EXT2: variants seen among roughly 807,000 people sequenced by gnomAD.
EXT2 encodes the protein exostosin-2.
In EXT2, 53 loss-of-function variants were observed where a neutral mutation model predicts 81.6. The observed-to-expected ratio is 0.65, with a 90% confidence interval of 0.52 to 0.82. EXT2 has a LOEUF of 0.82. EXT2 is among the 40% of genes least tolerant of loss of function. The probability of loss-of-function intolerance (pLI) is 0.00; values close to 1 mark genes in which losing one functional copy is unlikely to be tolerated. For synonymous variants in EXT2, 320 were observed against 340.0 expected, an observed-to-expected ratio of 0.94 and a Z score of 0.65; for missense variants, 774 against 910.2, an observed-to-expected ratio of 0.85 and a Z score of 1.93.
chr11:44,199,721 A>C (rs1274465974), intron 9 of EXT2, among the ~76,000 whole-genome samples: 1 of 138,632 alleles, frequency 7.2e-6, no homozygotes, highest in Non-Finnish European at 1.6e-5. Context: ...GTGAGAAAGG[A>C]TACATTTTTT....
chr11:44,180,584 G>A (rs1469594874), intron 8 of EXT2, among the ~76,000 whole-genome samples: 2 of 152,080 alleles, frequency 1.3e-5, no homozygotes, highest in East Asian at 3.9e-4. Context: ...CTCTCCTGTA[G>A]CCCCTCTCTT....
chr11:44,169,083 G>A (rs1955034617), intron 7 of EXT2, among the ~76,000 whole-genome samples: 1 of 152,026 alleles, frequency 6.6e-6, no homozygotes, highest in African/African-American at 2.4e-5. Flanking sequence ...AGCCAGGCGT[G>A]GTGGTGCGTG....
chr11:44,139,135 CGT>C (rs200010592), intron 7 of EXT2, among the ~76,000 whole-genome samples: 11 of 102,196 alleles, frequency 1.1e-4, no homozygotes, highest in African/African-American at 2.7e-4. Flanking sequence ...TTTTTTTTTG[CGT>C]GTGTGTGTGA....
chr11:44,186,676 G>A (rs151019851), intron 8 of EXT2, among the ~76,000 whole-genome samples: 1 of 152,264 alleles, frequency 6.6e-6, no homozygotes, highest in East Asian at 1.9e-4. Context: ...TAACCTGTGA[G>A]CCTTCCAGTA....
intron 10 of EXT2, among the ~76,000 whole-genome samples, chr11:44,213,282 A>C (rs1955674859): frequency 6.6e-6 from 1 of 152,216 alleles, no homozygotes; most frequent in Non-Finnish European, 1.5e-5. Flanking sequence ...ACAGACCAAC[A>C]GAGAAAGTGT....
intron 7 of EXT2, among the ~76,000 whole-genome samples, chr11:44,130,888 C>T (rs935133123): frequency 6.6e-6 from 1 of 152,240 alleles, no homozygotes; most frequent in Admixed American, 6.5e-5. Context: ...GTAAGTGTCC[C>T]ATGCCACCCC....
intron 7 of EXT2, among the ~76,000 whole-genome samples, chr11:44,158,540 ATAAATTAATTTAATTTTAAT>A (rs912247106): frequency 6.6e-6 from 1 of 150,746 alleles, no homozygotes; most frequent in Non-Finnish European, 1.5e-5. Context: ...TTAATTTTTA[ATAAATTAATTTAATTTTAAT>A]TAAATTAATT....
Position 44,133,276 on chromosome 11 carries a change from A to C in EXT2, c.1173+3138A>C, listed in dbSNP as rs150323876. Among the ~76,000 whole-genome samples, 957 of 152,334 alleles carry C rather than the reference A, an allele frequency of 6.3e-3. 9 individuals carry two copies. Among genetic ancestry groups the C allele is most frequent in the African/African-American group, 0.021 (875 of 41,580 alleles). ...ATTGATTTAACCTGACCTTGGCAGG[A>C]GTAATTAAAAAAATGGTAAAACACC... On this transcript the variant is annotated intron_variant, in intron 7 of 13. Coordinates refer to ENST00000533608, the MANE Select transcript of EXT2 (RefSeq NM_207122.2).
At chr11:44,114,656 C>A (rs921141409) in intron 4 of EXT2, among the ~76,000 whole-genome samples, 4 of 152,164 alleles carry the variant, frequency 2.6e-5, no homozygotes, top group African/African-American at 4.8e-5. Flanking sequence ...CTACCCTAGA[C>A]CAGGTTACTG....
At chr11:44,116,182 C>T (rs1403066183) in intron 4 of EXT2, 1 of 152,202 alleles carries the variant, frequency 6.6e-6, no homozygotes, top group Admixed American at 6.5e-5. Flanking sequence ...CAGTCCTCAC[C>T]TCTGTCCCCA....
intron 7 of EXT2, among the ~76,000 whole-genome samples, chr11:44,153,917 T>G (rs1198477652): frequency 6.6e-6 from 1 of 152,012 alleles, no homozygotes; most frequent in African/African-American, 2.4e-5. Context: ...GAATACTGGT[T>G]GTTGTTGTTT....
intron 4 of EXT2, among the ~76,000 whole-genome samples, chr11:44,123,489 T>A (rs1954348938): frequency 6.6e-6 from 1 of 152,226 alleles, no homozygotes; most frequent in Non-Finnish European, 1.5e-5. Flanking sequence ...TTCTTCTCTT[T>A]GACACTGATT....
chr11:44,171,833 T>C, intron 8 of EXT2, 91 bp downstream of exon 8: 1 of 1,569,718 alleles, frequency 6.4e-7, no homozygotes, highest in Non-Finnish European at 8.7e-7. Flanking sequence ...AAAGGTTATT[T>C]AAATTCTAGC....
chr11:44,239,195 A>G (rs1438908560), intron 13 of EXT2, among the ~76,000 whole-genome samples: 2 of 152,138 alleles, frequency 1.3e-5, no homozygotes, highest in African/African-American at 4.8e-5. Context: ...GTTGACAAAC[A>G]TACCTTTAAG....
In EXT2 at chr11:44,124,804, C is replaced by G; in HGVS notation, c.759C>G (p.Phe253Leu). 1 of 1,614,100 alleles carries G rather than the reference C, an allele frequency of 6.2e-7. No individual in the cohort carries two copies. The highest frequency in any genetic ancestry group is 1.3e-5 in the African/African-American group (1 of 75,008). Residue 253 changes from phenylalanine to leucine, a missense_variant, in exon 5 of 14, where the codon TTC (phenylalanine) becomes TTG (leucine). This residue lies in a region of EXT2 where 626 missense variants were observed against 670.5 expected (regional missense o/e 0.93). Transcript: ENST00000533608. ...TCCCTTGTAGTCCACGGCAATACTT[C>G]CTCCTGTCATCTCAGGTGGGTCTCC... Reference protein sequence around the residue: ...PEKGPGPRQYFLLSSQVGLHP... With the variant: ...PEKGPGPRQYLLLSSQVGLHP...
At position 44,124,901 on chromosome 11, in the gene EXT2, T is replaced by G. The variant is rs1203868965; in HGVS notation, c.856T>G (p.Cys286Gly). The change falls in exon 5 of 14, where the codon TGC becomes GGC. Residue 286 changes from cysteine to glycine, a missense_variant. Physicochemically the swap from Cys to Gly is radical, Grantham distance 159. Around this residue, in one of 2 missense-constraint regions of EXT2, gnomAD observed 626 missense variants for 670.5 expected, o/e 0.93. Transcript: ENST00000533608. ...HGESVLVLDK[C>G]TNLSEGVLSV... ...AGAGTCAGTGTTAGTACTCGATAAATGCACCAACCTCTCAGAGGGTGTCCT... is the reference window on the plus strand; with the variant it reads ...AGAGTCAGTGTTAGTACTCGATAAAGGCACCAACCTCTCAGAGGGTGTCCT... 6.2e-7 allele frequency: 1 copy of G among 1,613,996 alleles called. No individual in the cohort carries two copies. The highest frequency in any genetic ancestry group is 1.7e-5 in the Admixed American group (1 of 60,002).
At chr11:44,219,910 G>A (rs567635222) in intron 10 of EXT2, among the ~76,000 whole-genome samples, 3 of 152,226 alleles carry the variant, frequency 2.0e-5, no homozygotes, top group Non-Finnish European at 4.4e-5. Context: ...GCTTTCAGTG[G>A]GAACTAGCAC....
chr11:44,129,722 G>T (rs1178034505), intron 6 of EXT2, among the ~76,000 whole-genome samples: 1 of 152,212 alleles, frequency 6.6e-6, no homozygotes, highest in Admixed American at 6.5e-5. Flanking sequence ...ACATGCAAAG[G>T]CCCTCTGGTA....
At chr11:44,185,167 C>T (rs1249189997) in intron 8 of EXT2, among the ~76,000 whole-genome samples, 2 of 152,190 alleles carry the variant, frequency 1.3e-5, no homozygotes, top group African/African-American at 2.4e-5. Flanking sequence ...TTCCTTACTT[C>T]CTGTGCCCAA....
Sources: allele counts gnomAD v4.1 joint callset (sites outside exome capture counted in the v4.1 genomes callset), GRCh38; gene constraint gnomAD v4.1.1; regional missense constraint gnomAD v4.1.1; transcripts MANE v1.5; gene names NCBI Gene and HGNC (gene_info 2026-07-23, HGNC 2026-07-21).